Variants in KIF14 observed in about 807,000 individuals in gnomAD.
The protein encoded by KIF14 is kinesin family member 14.
KIF14 carries 98 observed loss-of-function variants against 176.2 expected under a neutral mutation model. The observed-to-expected ratio is 0.56, with a 90% CI of 0.47 to 0.66. The LOEUF (loss-of-function observed/expected upper bound fraction) is 0.66. Among genes scored for constraint, KIF14 ranks in the 30% least tolerant of loss-of-function variants. The pLI is 0.00. For missense variants in KIF14, 1,751 were observed against 1,920.4 expected (o/e 0.91, Z 1.65); for synonymous variants, 566 against 632.2 (o/e 0.90, Z 1.57).
intron 23 of KIF14, among the ~76,000 whole-genome samples, chr1:200,568,568 G>A (rs1321814324): frequency 6.6e-6 from 1 of 152,046 alleles, no homozygotes; most frequent in Non-Finnish European, 1.5e-5. Flanking sequence ...ACTGTAAAGT[G>A]CATATATCTT....
rs78570184 is a variant in KIF14 at position 200,574,062 on chromosome 1, T to C, written c.3566+1529A>G. ...CACTTAACCTCTCTAAATCTCAGTT[T>C]CTTCATCTGTAAAATGAGGGTAATG... On this transcript the variant is annotated intron_variant, in intron 22 of 29. Coordinates refer to ENST00000367350, the MANE Select transcript of KIF14 (RefSeq NM_014875.3). 3.4e-4 allele frequency among the ~76,000 whole-genome samples: 52 copies of C among 152,314 alleles called. No individual in the cohort carries two copies. The East Asian group carries it at 9.5e-3, about 28-fold the overall frequency.
chr1:200,570,029 T>C (rs764489716), intron 22 of KIF14, 24 bp from the exon 23 acceptor site: 30 of 1,262,664 alleles, frequency 2.4e-5, no homozygotes. Flanking sequence ...AACCATAAGA[T>C]TAGCAGTTCT....
intron 14 of KIF14, among the ~76,000 whole-genome samples, 158 bp from the exon 15 acceptor site, chr1:200,593,927 GTT>G (rs57476742): frequency 2.0e-5 from 2 of 100,548 alleles, no homozygotes; most frequent in African/African-American, 4.0e-5. Flanking sequence ...CCTCCAACTA[GTT>G]TTTTTTTTTT....
Position 200,553,048 on chromosome 1 carries a change from A to G in KIF14, c.*340T>C, listed in dbSNP as rs147436210. On this transcript the variant is annotated 3_prime_UTR_variant, in exon 30 of 30. Transcript: ENST00000367350. Reference sequence around the variant, plus strand: ...AACCTCTGCCTCTCAGGTTCAAGCGATCCTCCTGCCTCAGCCCCCCTAGTA... The same window carrying G: ...AACCTCTGCCTCTCAGGTTCAAGCGGTCCTCCTGCCTCAGCCCCCCTAGTA... 18,235 of 155,994 alleles carry G rather than the reference A, an allele frequency of 0.12. 1,256 individuals carry two copies. The highest frequency in any genetic ancestry group is 0.13 in the Non-Finnish European group (9,458 of 70,816). 9.7% of individuals were successfully genotyped at this position (155,994 alleles called of 1,614,324 possible). A position where few individuals can be genotyped will look rare whatever the true frequency, so the allele number is the denominator to read the frequency against.
chr1:200,569,953 G>A lies in KIF14; in HGVS notation c.3619C>T (p.Gln1207Ter). The A allele has an allele frequency of 6.2e-7, 1 of 1,604,396 alleles. No individual in the cohort carries two copies. Among genetic ancestry groups the A allele is most frequent in the Non-Finnish European group, 8.5e-7 (1 of 1,173,678 alleles). Residue 1207 changes from glutamine (Q) to a stop codon, truncating the protein, a stop_gained, in exon 23 of 30, where the codon CAA (glutamine) becomes TAA (stop). Transcript: ENST00000367350. LOFTEE classifies it high-confidence loss of function. ...RRISGCLHDIQVHPIKNLHSS... is the reference protein window; with the variant it reads ...RRISGCLHDI ...TGCAAATTCTTAATTGGATGGACTT[G>A]TATGTCATGTAAACAACCAGAAATT...
chr1:200,586,549 T>C (rs948893764), intron 18 of KIF14, among the ~76,000 whole-genome samples: 3 of 151,748 alleles, frequency 2.0e-5, no homozygotes, highest in African/African-American at 7.3e-5. Flanking sequence ...CAAAATAATT[T>C]TTCCCCACAA....
At chr1:200,596,679 C>T (rs543360826) in intron 14 of KIF14, among the ~76,000 whole-genome samples, 2 of 149,942 alleles carry the variant, frequency 1.3e-5, no homozygotes, top group African/African-American at 4.9e-5. Flanking sequence ...ATTCTTATGC[C>T]TCAGCCTCCC....
chr1:200,614,044 A>G (rs1359015226), intron 4 of KIF14, among the ~76,000 whole-genome samples: 1 of 152,240 alleles, frequency 6.6e-6, no homozygotes, highest in Non-Finnish European at 1.5e-5. Flanking sequence ...CATAGCTACC[A>G]TGTTTGTGAG....
chr1:200,578,880 T>A (rs537997582), intron 21 of KIF14, among the ~76,000 whole-genome samples: 9 of 151,550 alleles, frequency 5.9e-5, no homozygotes, highest in South Asian at 4.2e-4. Flanking sequence ...TCACAAGGTC[T>A]GGAGATCGAG....
intron 11 of KIF14, among the ~76,000 whole-genome samples, chr1:200,601,010 G>A (rs960281737): frequency 6.6e-6 from 1 of 152,090 alleles, no homozygotes; most frequent in Non-Finnish European, 1.5e-5. Context: ...AGCTTCCCGA[G>A]TAGCCAGGAT....
chr1:200,617,843 G>A lies in KIF14; in HGVS notation c.881C>T (p.Pro294Leu). The A allele has an allele frequency of 6.2e-7, 1 of 1,614,176 alleles. No homozygotes were observed. The highest frequency in any genetic ancestry group is 8.5e-7 in the Non-Finnish European group (1 of 1,180,022). The stretch of plus-strand genomic sequence containing the variant: ...TGATGGAGCTGGGCTCTTAAGCTGA[G>A]GCAGGCTGCACTTTGTTGTCAGTTT... ...EHKLTTKCSL[P>L]QLKSPAPSIL... The change falls in exon 2 of 30, where the codon CCT (proline) becomes CTT (leucine). Residue 294 changes from proline (P) to leucine (L), a missense_variant. Pro to Leu is a moderately conservative substitution (Grantham distance 98). Coordinates refer to ENST00000367350, the MANE Select transcript of KIF14 (RefSeq NM_014875.3).
intron 4 of KIF14, among the ~76,000 whole-genome samples, chr1:200,611,793 A>G (rs925634126): frequency 2.0e-5 from 3 of 152,182 alleles, no homozygotes; most frequent in African/African-American, 7.2e-5. Context: ...TGGGCTCACT[A>G]TGTGCCAGGC....
Position 200,605,864 on chromosome 1 carries a change from C to A in KIF14, c.1638G>T (p.Gln546His). The A allele has an allele frequency of 6.6e-7, 1 of 1,520,920 alleles. No individual in the cohort carries two copies. Among genetic ancestry groups the A allele is most frequent in the African/African-American group, 1.4e-5 (1 of 70,238 alleles). The allele number at this position is 1,520,920 out of a possible 1,614,324, so 94.2% of individuals were successfully genotyped here. A position where few individuals can be genotyped will look rare whatever the true frequency, so the allele number is the denominator to read the frequency against. ...GAAAAGAAAACAAAATCAATCTTACCTGGATATCAGCGTAAGAACTGACAA... is the reference window on the plus strand; with the variant it reads ...GAAAAGAAAACAAAATCAATCTTACATGGATATCAGCGTAAGAACTGACAA... ...MNIVSSYADI[Q>H]SWLELGNKQR... is the part of the protein sequence containing the mutation. Residue 546 changes from glutamine (Q) to histidine (H), a missense_variant and splice_region_variant, in exon 7 of 30, where the codon CAG (glutamine) becomes CAT (histidine). By Grantham distance (24) the Gln-to-His change is conservative. Transcript: ENST00000367350.
rs745663452 is a variant in KIF14 at position 200,617,969 on chromosome 1, C to T, written c.755G>A (p.Gly252Glu). The change falls in exon 2 of 30, where the codon GGA (glycine) becomes GAA (glutamate). Residue 252 changes from glycine to glutamate, a missense_variant. Gly to Glu is a moderately conservative substitution (Grantham distance 98). Transcript: ENST00000367350. ...CCCAATACTTCTATGATACAAGTTT[C>T]CTGTTCCCAACACTTTGATATCCAA... ...SKLDIKVLGTGNLYHRSIGKE... is the reference protein window; with the variant it reads ...SKLDIKVLGTENLYHRSIGKE... The T allele has an allele frequency of 6.2e-7, 1 of 1,614,010 alleles. No homozygotes were observed.
intron 26 of KIF14, 25 bp from the exon 27 acceptor site, chr1:200,559,477 C>A: frequency 1.4e-6 from 2 of 1,416,868 alleles, no homozygotes; most frequent in African/African-American, 1.5e-5. Context: ...TAAGCATTAA[C>A]TAGAAAATTT....
At chr1:200,564,504 C>T (rs1377185870) in intron 25 of KIF14, among the ~76,000 whole-genome samples, 3 of 152,152 alleles carry the variant, frequency 2.0e-5, no homozygotes, top group African/African-American at 4.8e-5. Context: ...CTTCTTCTTA[C>T]AGCCAAACCT....
intron 22 of KIF14, among the ~76,000 whole-genome samples, chr1:200,571,551 C>T (rs1462363638): frequency 6.6e-6 from 1 of 152,064 alleles, no homozygotes; most frequent in South Asian, 2.1e-4. Flanking sequence ...TTAGTGGATC[C>T]TTTGAAGTAT....
rs1659724753 is a variant in KIF14, at chr1:200,603,468, A to G, written c.1864-127T>C. ...CTTTTTTACTTTCTTTTTTTTTGAG[A>G]CAGAGTCTCACTCTGTTGCCCAGGC... On this transcript the variant is annotated intron_variant, in intron 9 of 29. Transcript: ENST00000367350. 1.2e-5 allele frequency: 7 copies of G among 593,022 alleles called. No individual in the cohort carries two copies. The East Asian group carries it at 1.9e-4, about 16-fold the overall frequency. The allele number at this position is 593,022 out of a possible 1,614,324, so 36.7% of individuals were successfully genotyped here.
At chr1:200,596,006 G>A (rs1278558121) in intron 14 of KIF14, among the ~76,000 whole-genome samples, 1 of 150,892 alleles carries the variant, frequency 6.6e-6, no homozygotes, top group Non-Finnish European at 1.5e-5. Context: ...TGTAATCCCA[G>A]CACTTTGGGA....
Sources: allele counts gnomAD v4.1 joint callset (sites outside exome capture counted in the v4.1 genomes callset), GRCh38; gene constraint gnomAD v4.1.1; transcripts MANE v1.5; gene names NCBI Gene and HGNC (gene_info 2026-07-23, HGNC 2026-07-21).